Variants in BCAP29 observed in about 807,000 individuals in gnomAD.
BCAP29 encodes B-cell receptor-associated protein 29.
BCAP29 carries 34 observed loss-of-function variants against 31.8 expected under a neutral mutation model. That is an observed-to-expected ratio of 1.07 (90% confidence interval 0.81 to 1.42). BCAP29 has a LOEUF of 1.42. Ranked by LOEUF, BCAP29 falls within the 40% of genes most tolerant of loss-of-function variation. BCAP29 has a pLI of 0.00. For synonymous variants in BCAP29, 104 were observed against 91.3 expected (o/e 1.14, Z -0.79); for missense variants, 314 against 269.2 (o/e 1.17, Z -1.16).
chr7:107,614,857 C>G (rs1297079787), intron 7 of BCAP29, among the ~76,000 whole-genome samples: 3 of 152,186 alleles, frequency 2.0e-5, no homozygotes, highest in Non-Finnish European at 4.4e-5. Context: ...AATAGAGACC[C>G]TAAAATTGCT....
At chr7:107,613,572 T>A in intron 7 of BCAP29, 140 bp downstream of exon 7, 1 of 1,424,656 alleles carries the variant, frequency 7.0e-7, no homozygotes, top group Non-Finnish European at 9.8e-7. Context: ...AGAAGCCAGA[T>A]TTTTACCTAG....
intron 2 of BCAP29, among the ~76,000 whole-genome samples, chr7:107,582,654 G>A (rs1316936389): frequency 6.6e-6 from 1 of 152,084 alleles, no homozygotes; most frequent in Non-Finnish European, 1.5e-5. Context: ...AATTAAATGA[G>A]ATAAAACATG....
At chr7:107,604,633 T>C (rs1811745392) in intron 6 of BCAP29, among the ~76,000 whole-genome samples, 1 of 151,928 alleles carries the variant, frequency 6.6e-6, no homozygotes, top group African/African-American at 2.4e-5. Context: ...AAATTATTAA[T>C]GCTTAAAAAC....
At chr7:107,580,580 G>A (rs1307095281) in intron 1 of BCAP29, 179 bp from the exon 2 acceptor site, 9 of 521,402 alleles carry the variant, frequency 1.7e-5, no homozygotes, top group Non-Finnish European at 2.6e-5. Flanking sequence ...CCAGGGAGGT[G>A]GCGACACCCG....
rs966078026 is a variant in BCAP29, at chr7:107,619,922, A to G, written c.*1559A>G. ...TCCCAGCTTTATCACTTATTTAGCCATGCTAGCCTAGGCCTCTATTTCCTT... is the reference window on the plus strand; with the variant it reads ...TCCCAGCTTTATCACTTATTTAGCCGTGCTAGCCTAGGCCTCTATTTCCTT... On this transcript the variant is annotated 3_prime_UTR_variant, in exon 8 of 8. Transcript: ENST00000005259. 2 of 152,216 alleles carry G rather than the reference A, an allele frequency of 1.3e-5. No homozygotes were observed. Among genetic ancestry groups the G allele is most frequent in the Non-Finnish European group, 2.9e-5 (2 of 68,040 alleles). The allele number at this position is 152,216 out of a possible 1,614,324, so 9.4% of individuals were successfully genotyped here.
At chr7:107,599,546 A>G (rs1287408705) in intron 5 of BCAP29, among the ~76,000 whole-genome samples, 2 of 148,794 alleles carry the variant, frequency 1.3e-5, no homozygotes, top group Non-Finnish European at 3.0e-5. Flanking sequence ...AAAAAAAAGT[A>G]GCTGCCTGCC....
intron 3 of BCAP29, among the ~76,000 whole-genome samples, chr7:107,592,312 A>G (rs866949554): frequency 6.6e-6 from 1 of 152,246 alleles, no homozygotes; most frequent in African/African-American, 2.4e-5. Context: ...ATGATATACA[A>G]ATGATCAACA....
chr7:107,587,709 A>G (rs758260043), intron 3 of BCAP29: 7 of 152,174 alleles, frequency 4.6e-5, no homozygotes, highest in Non-Finnish European at 1.0e-4. Flanking sequence ...GATAAAATGT[A>G]TAATTTTGTA....
Position 107,619,248 on chromosome 7 carries a change from A to T in BCAP29, c.*885A>T, listed in dbSNP as rs1233090413. 6.6e-6 allele frequency: 1 copy of T among 152,570 alleles called. No homozygotes were observed. Among genetic ancestry groups the T allele is most frequent in the African/African-American group, 2.4e-5 (1 of 41,454 alleles). 9.5% of individuals were successfully genotyped at this position (152,570 alleles called of 1,614,324 possible). A position where few individuals can be genotyped will look rare whatever the true frequency, so the allele number is the denominator to read the frequency against. ...TTACCTCAAAAATACATACACTGGTATCACACAGTCTTTCTACAATGTTTC... is the reference window on the plus strand; with the variant it reads ...TTACCTCAAAAATACATACACTGGTTTCACACAGTCTTTCTACAATGTTTC... On this transcript the variant is annotated 3_prime_UTR_variant, in exon 8 of 8. Coordinates refer to ENST00000005259, the MANE Select transcript of BCAP29 (RefSeq NM_018844.4).
At chr7:107,621,616 C>T (rs755786856), downstream of BCAP29, 19 of 446,964 alleles carry the variant, frequency 4.3e-5, no homozygotes, top group Admixed American at 1.5e-4. Context: ...GCAGCTACAT[C>T]TATGCTTATA....
intron 3 of BCAP29, among the ~76,000 whole-genome samples, chr7:107,592,902 A>G (rs1351784306): frequency 1.3e-5 from 2 of 152,232 alleles, no homozygotes; most frequent in Non-Finnish European, 2.9e-5. Context: ...GACAGAAAGC[A>G]GATTGCTGGT....
At chr7:107,603,299 G>A (rs1295895122) in intron 6 of BCAP29, 4 of 151,926 alleles carry the variant, frequency 2.6e-5, no homozygotes, top group African/African-American at 9.7e-5. Context: ...GAAATATGTA[G>A]CATTCAGTCA....
intron 6 of BCAP29, 112 bp downstream of exon 6, chr7:107,600,617 C>T (rs565599969): frequency 2.3e-5 from 13 of 564,580 alleles, no homozygotes; most frequent in African/African-American, 9.4e-5. Flanking sequence ...TCTAAGATAC[C>T]GAGAATGACC....
At chr7:107,598,963 A>G (rs934938728) in intron 5 of BCAP29, among the ~76,000 whole-genome samples, 1 of 141,824 alleles carries the variant, frequency 7.1e-6, no homozygotes, top group East Asian at 2.0e-4. Context: ...ACGTGTATAT[A>G]TAAATTTATA....
intron 3 of BCAP29, among the ~76,000 whole-genome samples, chr7:107,584,451 G>A (rs1043184552): frequency 6.6e-6 from 1 of 152,252 alleles, no homozygotes; most frequent in African/African-American, 2.4e-5. Context: ...GCTCAGGCCT[G>A]TAATCCTAGC....
At chr7:107,586,699 T>C (rs190790412) in intron 3 of BCAP29, among the ~76,000 whole-genome samples, 81 of 152,108 alleles carry the variant, frequency 5.3e-4, no homozygotes, top group Admixed American at 4.5e-3. Flanking sequence ...GTAACTTTTT[T>C]ATACATTTTC....
At chr7:107,598,416 G>A (rs1314163850) in intron 5 of BCAP29, among the ~76,000 whole-genome samples, 1 of 152,010 alleles carries the variant, frequency 6.6e-6, no homozygotes, top group Non-Finnish European at 1.5e-5. Context: ...ACAGTCCTTG[G>A]GATTATATAA....
At chr7:107,612,728 T>G (rs1813456115) in intron 6 of BCAP29, among the ~76,000 whole-genome samples, 1 of 152,118 alleles carries the variant, frequency 6.6e-6, no homozygotes, top group African/African-American at 2.4e-5. Flanking sequence ...AGTGGATGCA[T>G]GACCTGAATT....
chr7:107,583,577 C>A (rs1323005793), intron 2 of BCAP29, among the ~76,000 whole-genome samples: 28 of 152,044 alleles, frequency 1.8e-4, no homozygotes. Context: ...TAGCTTCTAT[C>A]AACAATATAA....
Sources: allele counts gnomAD v4.1 joint callset (sites outside exome capture counted in the v4.1 genomes callset), GRCh38; gene constraint gnomAD v4.1.1; transcripts MANE v1.5; gene names NCBI Gene and HGNC (gene_info 2026-07-23, HGNC 2026-07-21).